Variants in ANKRD30BL observed in about 807,000 individuals in gnomAD.
The protein encoded by ANKRD30BL is putative ankyrin repeat domain-containing protein 30B-like.
Under a neutral mutation model 18.4 loss-of-function variants are expected in ANKRD30BL, and 20 were observed. The observed-to-expected ratio is 1.09, with a 90% CI of 0.77 to 1.58. The LOEUF is 1.58. Among genes scored for constraint, ANKRD30BL ranks in the 40% most tolerant of loss-of-function variants. The probability of loss-of-function intolerance (pLI) is 0.00; values close to 1 mark genes in which losing one functional copy is unlikely to be tolerated. For synonymous variants in ANKRD30BL, 72 were observed against 100.9 expected (o/e 0.71, Z 1.72); for missense variants, 224 against 268.6 (o/e 0.83, Z 1.16).
intron 1 of ANKRD30BL, among the ~76,000 whole-genome samples, chr2:132,210,300 A>G (rs1435838610): frequency 4.8e-5 from 7 of 144,684 alleles, no homozygotes; most frequent in Admixed American, 2.1e-4. Context: ...GTTTTGAAAC[A>G]CTCTTTTTGT....
At chr2:132,169,239 G>A (rs1209957841) in intron 1 of ANKRD30BL, among the ~76,000 whole-genome samples, 1 of 152,130 alleles carries the variant, frequency 6.6e-6, no homozygotes, top group Non-Finnish European at 1.5e-5. Context: ...AAATAAATTG[G>A]GTTTCTTTGG....
At chr2:132,225,255 T>A (rs1192060645) in intron 1 of ANKRD30BL, among the ~76,000 whole-genome samples, 1 of 151,768 alleles carries the variant, frequency 6.6e-6, no homozygotes, top group Non-Finnish European at 1.5e-5. Context: ...TTTGAAACAC[T>A]TTTTTTGTAG....
intron 5 of ANKRD30BL, among the ~76,000 whole-genome samples, chr2:132,148,965 A>G (rs1195647241): frequency 6.6e-6 from 1 of 152,196 alleles, no homozygotes; most frequent in Non-Finnish European, 1.5e-5. Flanking sequence ...GGATAAACAA[A>G]TAGAAAACAT....
intron 1 of ANKRD30BL, among the ~76,000 whole-genome samples, chr2:132,220,555 G>T (rs1295537086): frequency 6.6e-6 from 1 of 151,918 alleles, no homozygotes; most frequent in African/African-American, 2.4e-5. Flanking sequence ...TGGTGGAGAC[G>T]GGGTTTCGCT....
chr2:132,216,064 G>A (rs145737142), intron 1 of ANKRD30BL, among the ~76,000 whole-genome samples: 1 of 150,416 alleles, frequency 6.6e-6, no homozygotes, highest in Non-Finnish European at 1.5e-5. Context: ...TTGTGATGTG[G>A]GCATTCATCT....
At chr2:132,237,301 C>A (rs1680176234) in intron 1 of ANKRD30BL, among the ~76,000 whole-genome samples, 1 of 151,810 alleles carries the variant, frequency 6.6e-6, no homozygotes, top group Non-Finnish European at 1.5e-5. Context: ...TAGACAGAAG[C>A]ATTCTCACAA....
At position 132,255,634 on chromosome 2, in the gene ANKRD30BL, T is replaced by G. The variant is rs561463765; in HGVS notation, n.441+1895A>C. 5.1e-3 allele frequency among the ~76,000 whole-genome samples: 781 copies of G among 152,324 alleles called. 10 individuals carry two copies. Among genetic ancestry groups the G allele is most frequent in the Admixed American group, 0.027 (417 of 15,300 alleles). ...CATTAAAAGATTTAAAGTGCACTCATTCCAATTACAGGGCCTAGAAAGAGT... is the reference window on the plus strand; with the variant it reads ...CATTAAAAGATTTAAAGTGCACTCAGTCCAATTACAGGGCCTAGAAAGAGT... On this transcript the variant is annotated intron_variant and non_coding_transcript_variant, in intron 1 of 4. Coordinates refer to the ANKRD30BL transcript ENST00000470729.
intron 1 of ANKRD30BL, among the ~76,000 whole-genome samples, chr2:132,238,200 T>G (rs1304025576): frequency 6.6e-6 from 1 of 152,046 alleles, no homozygotes; most frequent in Admixed American, 6.6e-5. Flanking sequence ...CTCACAGAGT[T>G]AAACCTATCG....
At chr2:132,197,992 T>G (rs1678999141) in intron 1 of ANKRD30BL, among the ~76,000 whole-genome samples, 1 of 151,850 alleles carries the variant, frequency 6.6e-6, no homozygotes, top group South Asian at 2.1e-4. Flanking sequence ...GACAGTAGAT[T>G]TACTCAAATA....
chr2:132,196,242 G>T (rs1301191655), intron 1 of ANKRD30BL, among the ~76,000 whole-genome samples: 1 of 152,216 alleles, frequency 6.6e-6, no homozygotes, highest in Non-Finnish European at 1.5e-5. Context: ...ACTTTGGGAG[G>T]CCAAGGTGGG....
chr2:132,200,509 C>G (rs990434236), intron 1 of ANKRD30BL, among the ~76,000 whole-genome samples: 3 of 152,070 alleles, frequency 2.0e-5, no homozygotes, highest in African/African-American at 7.2e-5. Context: ...AACAAACAAA[C>G]AGAGAGCCAA....
rs79828184 is a variant in ANKRD30BL at position 132,156,988 on chromosome 2, G to T, written c.492C>A (p.Ile164=). ...VAKLLSCGAD[I]EVKNKAGHTP... ...TAATGTCTACCTTGTTCTTCACTTC[G>T]ATGTCTGCACCACAGGACAGCAATT... The change falls in exon 3 of 6, where the codon ATC becomes ATA. Residue 164 remains isoleucine (I), a synonymous_variant. Coordinates refer to ENST00000409867, the MANE Select transcript of ANKRD30BL (RefSeq NM_001358416.1). The T allele has an allele frequency of 1.3e-5, 16 of 1,220,428 alleles. No homozygotes were observed. Among genetic ancestry groups the T allele is most frequent in the Middle Eastern group, 1.9e-4 (1 of 5,186 alleles). The allele number at this position is 1,220,428 out of a possible 1,614,324, so 75.6% of individuals were successfully genotyped here. A position where few individuals can be genotyped will look rare whatever the true frequency, so the allele number is the denominator to read the frequency against.
chr2:132,257,074 C>T lies in ANKRD30BL; in HGVS notation n.441+455G>A, dbSNP rs544086453. The T allele has an allele frequency of 6.5e-6, 3 of 464,468 alleles. No individual in the cohort carries two copies. In the African/African-American group the frequency reaches 6.8e-5, roughly 10 times the overall value. 28.8% of individuals were successfully genotyped at this position (464,468 alleles called of 1,614,324 possible). On this transcript the variant is annotated intron_variant and non_coding_transcript_variant, in intron 1 of 4. Transcript: ENST00000470729. ...CCCGCCTAGGATGCCGGACGGCCCTCGGCACCACCGAGACCCGCCTCATGA... is the reference window on the plus strand; with the variant it reads ...CCCGCCTAGGATGCCGGACGGCCCTTGGCACCACCGAGACCCGCCTCATGA...
intron 1 of ANKRD30BL, among the ~76,000 whole-genome samples, chr2:132,177,725 A>C (rs1358569326): frequency 2.0e-5 from 3 of 152,158 alleles, no homozygotes; most frequent in Non-Finnish European, 4.4e-5. Flanking sequence ...TTGTTGTTTT[A>C]ATGGCATAAT....
chr2:132,232,573 A>G (rs61111570), intron 1 of ANKRD30BL, among the ~76,000 whole-genome samples: 10,838 of 152,116 alleles, frequency 0.071, 1,272 homozygotes, highest in African/African-American at 0.25. Context: ...TCAACTGGAA[A>G]AAAGGGTATC....
intron 1 of ANKRD30BL, among the ~76,000 whole-genome samples, chr2:132,232,341 CTT>C (rs1680046009): frequency 6.6e-6 from 1 of 152,170 alleles, no homozygotes; most frequent in African/African-American, 2.4e-5. Flanking sequence ...TGGAGAATGA[CTT>C]TGACGAGCTG....
At chr2:132,181,247 G>T (rs1312187502) in intron 1 of ANKRD30BL, among the ~76,000 whole-genome samples, 2 of 152,078 alleles carry the variant, frequency 1.3e-5, no homozygotes, top group Non-Finnish European at 2.9e-5. Context: ...GCTGACGTGG[G>T]CGGATTGCCT....
chr2:132,234,074 T>G (rs1183697297), intron 1 of ANKRD30BL, among the ~76,000 whole-genome samples: 2 of 152,096 alleles, frequency 1.3e-5, no homozygotes, highest in Non-Finnish European at 2.9e-5. Flanking sequence ...AACAACCTGC[T>G]CCTGAATGAC....
At chr2:132,170,328 A>G (rs114019635) in intron 1 of ANKRD30BL, among the ~76,000 whole-genome samples, 33,946 of 152,032 alleles carry the variant, frequency 0.22, 3,925 homozygotes, top group Non-Finnish European at 0.26. Flanking sequence ...AGGGAAAAAA[A>G]GGGAAACAGA....
Sources: gnomAD v4.1 joint callset for allele counts (sites outside exome capture counted in the v4.1 genomes callset) on GRCh38, gnomAD v4.1.1 for gene constraint, MANE v1.5 for transcripts, NCBI Gene and HGNC (gene_info 2026-07-23, HGNC 2026-07-21) for gene names.